Variants in ARHGEF3 observed in about 807,000 individuals in gnomAD.
ARHGEF3 encodes the protein Rho guanine nucleotide exchange factor 3.
ARHGEF3 carries 28 observed loss-of-function variants against 63.2 expected under a neutral mutation model. The ratio of observed to expected loss-of-function variants is 0.44; its 90% CI spans 0.33 to 0.61. The LOEUF (loss-of-function observed/expected upper bound fraction) is 0.61, where lower values mean the gene tolerates loss of function less well. Ranked by LOEUF, ARHGEF3 falls within the 20% of genes least tolerant of loss-of-function variation. The pLI, the probability that ARHGEF3 is intolerant of heterozygous loss-of-function variation, is 0.03. For missense variants in ARHGEF3, 533 were observed against 659.3 expected, an observed-to-expected ratio of 0.81 and a Z score of 2.10; for synonymous variants, 266 against 254.2, an observed-to-expected ratio of 1.05 and a Z score of -0.44.
intron 4 of ARHGEF3, among the ~76,000 whole-genome samples, chr3:56,865,878 A>C (rs886233746): frequency 1.3e-5 from 2 of 152,142 alleles, no homozygotes; most frequent in Non-Finnish European, 2.9e-5. Flanking sequence ...TTTATAACCC[A>C]CCCAGGCTAT....
At chr3:56,879,189 G>A (rs899571143) in intron 4 of ARHGEF3, among the ~76,000 whole-genome samples, 1 of 152,170 alleles carries the variant, frequency 6.6e-6, no homozygotes. Context: ...TAAATGTAAA[G>A]TGCTTGAATC....
chr3:56,996,890 AT>A (rs534187681), intron 2 of ARHGEF3, among the ~76,000 whole-genome samples: 2,638 of 136,460 alleles, frequency 0.019, 71 homozygotes, highest in African/African-American at 0.065. Context: ...TATTATTATT[AT>A]TTTTTTTTTT....
chr3:56,989,598 A>G (rs1338417533), intron 2 of ARHGEF3, among the ~76,000 whole-genome samples: 1 of 152,134 alleles, frequency 6.6e-6, no homozygotes, highest in Non-Finnish European at 1.5e-5. Flanking sequence ...TTGCTCTAGA[A>G]TCATCCAGCC....
intron 4 of ARHGEF3, among the ~76,000 whole-genome samples, chr3:56,807,422 A>C (rs1319302751): frequency 6.6e-6 from 1 of 152,162 alleles, no homozygotes; most frequent in Non-Finnish European, 1.5e-5. Context: ...TTGAATAAGG[A>C]GCTCAAGGAA....
intron 4 of ARHGEF3, among the ~76,000 whole-genome samples, chr3:56,817,811 C>A (rs1205273335): frequency 2.0e-5 from 3 of 152,188 alleles, no homozygotes; most frequent in African/African-American, 7.2e-5. Context: ...CAAAGCTACA[C>A]CCTTCCCCAA....
chr3:56,842,963 A>T (rs1251831341), intron 4 of ARHGEF3, among the ~76,000 whole-genome samples: 1 of 152,186 alleles, frequency 6.6e-6, no homozygotes, highest in African/African-American at 2.4e-5. Context: ...CTTTGTGTTC[A>T]ATATTTTACT....
intron 1 of ARHGEF3, among the ~76,000 whole-genome samples, chr3:57,042,667 TATATATATATATATATATATATATATA>T (rs1704242380): frequency 3.1e-4 from 4 of 12,800 alleles, no homozygotes; most frequent in African/African-American, 1.3e-3. Flanking sequence ...TATATATATA[TATATATATATATATATATATATATATA>T]TATATATTTT....
intron 2 of ARHGEF3, among the ~76,000 whole-genome samples, chr3:56,976,015 G>A (rs368558518): frequency 2.0e-4 from 31 of 152,086 alleles, no homozygotes; most frequent in African/African-American, 7.0e-4. Flanking sequence ...AAGAGATTTC[G>A]ATCAAATAAT....
intron 8 of ARHGEF3, 95 bp from the exon 9 acceptor site, chr3:56,732,519 G>T: frequency 7.2e-7 from 1 of 1,388,638 alleles, no homozygotes; most frequent in Non-Finnish European, 1.0e-6. Context: ...CCAGGTACCA[G>T]GTTCACACTG....
chr3:56,747,634 G>T (rs918616863), intron 6 of ARHGEF3, among the ~76,000 whole-genome samples: 1 of 152,162 alleles, frequency 6.6e-6, no homozygotes, highest in Non-Finnish European at 1.5e-5. Context: ...CCCAGCCTGG[G>T]CAACGTGGCA....
intron 1 of ARHGEF3, among the ~76,000 whole-genome samples, chr3:57,058,121 C>T (rs1705024302): frequency 6.6e-6 from 1 of 152,206 alleles, no homozygotes; most frequent in Non-Finnish European, 1.5e-5. Flanking sequence ...TTCCCACAAT[C>T]TCTTTCAATT....
rs368902975 is a variant in ARHGEF3 at position 57,002,777 on chromosome 3, C to CT, written c.62+32310dup. 4.2e-3 allele frequency among the ~76,000 whole-genome samples: 549 copies of CT among 129,624 alleles called. 4 individuals carry two copies. The highest frequency in any genetic ancestry group is 0.017 in the Middle Eastern group (4 of 242). 85.0% of individuals were successfully genotyped at this position (129,624 alleles called of 152,430 possible). On this transcript the variant is annotated intron_variant, in intron 2 of 12. Transcript: ENST00000338458. The stretch of plus-strand genomic sequence containing the variant: ...TAGAAGAAGAAGTTCTATTTCTTTT[C>CT]TTTTTTTTTTTTTTTGAGACAGAGT...
At chr3:56,754,609 T>C (rs752632014) in intron 3 of ARHGEF3, among the ~76,000 whole-genome samples, 5 of 152,232 alleles carry the variant, frequency 3.3e-5, no homozygotes, top group African/African-American at 4.8e-5. Context: ...CTGGATTCTA[T>C]AGAAAGGAAG....
intron 1 of ARHGEF3, among the ~76,000 whole-genome samples, chr3:57,076,582 C>G (rs1174026656): frequency 6.6e-6 from 1 of 152,206 alleles, no homozygotes; most frequent in Non-Finnish European, 1.5e-5. Flanking sequence ...GACAAGTTCC[C>G]TGTGCCTAGA....
At chr3:56,918,504 G>A (rs2042041675) in intron 3 of ARHGEF3, among the ~76,000 whole-genome samples, 1 of 152,244 alleles carries the variant, frequency 6.6e-6, no homozygotes, top group East Asian at 1.9e-4. Flanking sequence ...GGGGCTCCAG[G>A]GCAGGTAGCA....
At chr3:57,010,003 G>C (rs1344155933) in intron 2 of ARHGEF3, among the ~76,000 whole-genome samples, 2 of 152,198 alleles carry the variant, frequency 1.3e-5, no homozygotes, top group African/African-American at 2.4e-5. Context: ...AAGTGGTGGA[G>C]CAGGAACTGG....
intron 1 of ARHGEF3, among the ~76,000 whole-genome samples, chr3:57,065,233 G>A (rs1004821320): frequency 3.3e-5 from 5 of 152,262 alleles, no homozygotes; most frequent in East Asian, 1.9e-4. Flanking sequence ...AGGCCGAGGC[G>A]GGCAGATAAC....
At chr3:56,880,458 C>G (rs555537989) in intron 4 of ARHGEF3, among the ~76,000 whole-genome samples, 1 of 110,262 alleles carries the variant, frequency 9.1e-6, no homozygotes, top group East Asian at 3.2e-4. Context: ...TCCTTTAATA[C>G]AATGTTAGTG....
intron 4 of ARHGEF3, among the ~76,000 whole-genome samples, chr3:56,821,396 C>T (rs560859554): frequency 1.3e-5 from 2 of 152,302 alleles, no homozygotes; most frequent in Non-Finnish European, 2.9e-5. Context: ...TCATGATTAA[C>T]AAACTAAGTT....
Sources: gnomAD v4.1 joint callset for allele counts (sites outside exome capture counted in the v4.1 genomes callset) on GRCh38, gnomAD v4.1.1 for gene constraint, MANE v1.5 for transcripts, NCBI Gene and HGNC (gene_info 2026-07-23, HGNC 2026-07-21) for gene names.